PARP8: variants seen among roughly 807,000 people sequenced by gnomAD.
The protein encoded by PARP8 is protein mono-ADP-ribosyltransferase PARP8.
PARP8 carries 51 observed loss-of-function variants against 124.1 expected under a neutral mutation model. That is an observed-to-expected ratio of 0.41 (90% CI 0.33 to 0.52). PARP8 has a LOEUF of 0.52. Ranked by LOEUF, PARP8 falls within the 20% of genes least tolerant of loss-of-function variation. The probability of loss-of-function intolerance (pLI) is 0.21; values close to 1 mark genes in which losing one functional copy is unlikely to be tolerated. For missense variants in PARP8, 860 were observed against 1,018.9 expected (o/e 0.84, Z 2.12); for synonymous variants, 391 against 361.5 (o/e 1.08, Z -0.93).
At position 50,796,960 on chromosome 5, in the gene PARP8, TTTTTTACTTTGC is replaced by T; in HGVS notation, c.1429-15_1429-4del. ...TTTACATTTAAAAAAATTATCATTT[TTTTTTACTTTGC>T]TTTTTATAGCCAAATGGTGCAAAAT... On this transcript the variant is annotated splice_polypyrimidine_tract_variant and intron_variant, in intron 12 of 25. Coordinates refer to ENST00000281631, the MANE Select transcript of PARP8 (RefSeq NM_024615.4). The T allele has an allele frequency of 6.3e-7, 1 of 1,594,106 alleles. No individual in the cohort carries two copies. Among genetic ancestry groups the T allele is most frequent in the Non-Finnish European group, 8.5e-7 (1 of 1,170,726 alleles).
At chr5:50,680,454 G>A (rs1290123352) in intron 2 of PARP8, among the ~76,000 whole-genome samples, 3 of 152,052 alleles carry the variant, frequency 2.0e-5, no homozygotes, top group African/African-American at 7.2e-5. Flanking sequence ...CTGGGTGTGT[G>A]TCTGTTTACA....
At chr5:50,825,901 T>G (rs886349662) in intron 18 of PARP8, among the ~76,000 whole-genome samples, 2 of 152,184 alleles carry the variant, frequency 1.3e-5, no homozygotes, top group African/African-American at 4.8e-5. Context: ...TAGTACACAT[T>G]TAATTTAGTC....
At chr5:50,757,003 T>G in intron 3 of PARP8, 1 of 326,368 alleles carries the variant, frequency 3.1e-6, no homozygotes. Flanking sequence ...TGGCAGGATT[T>G]CATTCTTTTT....
At chr5:50,741,407 A>G (rs1758028110) in intron 2 of PARP8, among the ~76,000 whole-genome samples, 1 of 152,122 alleles carries the variant, frequency 6.6e-6, no homozygotes, top group Admixed American at 6.5e-5. Context: ...AGGTAGTGTA[A>G]AAAAACCATT....
intron 2 of PARP8, among the ~76,000 whole-genome samples, chr5:50,734,028 T>C: frequency 6.6e-6 from 1 of 152,214 alleles, no homozygotes. Context: ...TGAATTTAAG[T>C]GACATACTTT....
intron 7 of PARP8, among the ~76,000 whole-genome samples, chr5:50,770,369 A>C (rs1761481990): frequency 6.6e-6 from 1 of 152,106 alleles, no homozygotes; most frequent in Non-Finnish European, 1.5e-5. Context: ...CTCATCATTC[A>C]GTTTAGTGGC....
intron 3 of PARP8, among the ~76,000 whole-genome samples, chr5:50,757,885 T>A (rs1279033501): frequency 6.6e-6 from 1 of 152,148 alleles, no homozygotes; most frequent in African/African-American, 2.4e-5. Flanking sequence ...TTCTTCTGGA[T>A]CTTCCCTTCT....
chr5:50,702,773 T>A (rs1330019885), intron 2 of PARP8, among the ~76,000 whole-genome samples: 1 of 152,216 alleles, frequency 6.6e-6, no homozygotes, highest in Non-Finnish European at 1.5e-5. Context: ...TATCACATAG[T>A]ACTTAGTGCA....
chr5:50,667,377 C>G (rs1378442980), intron 1 of PARP8, among the ~76,000 whole-genome samples, 191 bp downstream of exon 1: 1 of 152,240 alleles, frequency 6.6e-6, no homozygotes, highest in African/African-American at 2.4e-5. Flanking sequence ...TCCCCTCCCC[C>G]ACCGCCAAGT....
intron 2 of PARP8, among the ~76,000 whole-genome samples, chr5:50,679,996 G>A (rs762940911): frequency 1.3e-5 from 2 of 152,226 alleles, no homozygotes; most frequent in South Asian, 4.1e-4. Context: ...TAGAGAAGCC[G>A]TTAGAAAAAG....
chr5:50,674,099 C>A (rs1200700570), intron 2 of PARP8, among the ~76,000 whole-genome samples: 1 of 152,150 alleles, frequency 6.6e-6, no homozygotes, highest in Non-Finnish European at 1.5e-5. Context: ...TTTTTATTAA[C>A]AAGACTTACT....
chr5:50,722,489 T>C (rs767124797), intron 2 of PARP8, among the ~76,000 whole-genome samples: 2 of 152,062 alleles, frequency 1.3e-5, no homozygotes, highest in African/African-American at 2.4e-5. Flanking sequence ...TGTATGGAGC[T>C]GAGTCCCCCA....
chr5:50,767,885 A>G (rs1561351441), intron 7 of PARP8, among the ~76,000 whole-genome samples: 1 of 152,228 alleles, frequency 6.6e-6, no homozygotes, highest in Non-Finnish European at 1.5e-5. Context: ...TCTTCACAAA[A>G]TATCTGTCTT....
intron 2 of PARP8, among the ~76,000 whole-genome samples, chr5:50,725,071 G>GTATGTGTATATATATATATATACACA (rs1414906145): frequency 5.7e-4 from 28 of 48,804 alleles, no homozygotes; most frequent in African/African-American, 2.3e-3. Context: ...CATTGTGTGT[G>GTATGTGTATATATATATATATACACA]TATGTGTATA....
At chr5:50,771,040 A>G (rs1561355840) in intron 7 of PARP8, among the ~76,000 whole-genome samples, 1 of 151,984 alleles carries the variant, frequency 6.6e-6, no homozygotes, top group East Asian at 1.9e-4. Flanking sequence ...TATGTAACCT[A>G]TAAAAATATT....
chr5:50,787,949 CA>C lies in PARP8; in HGVS notation c.671-573del, dbSNP rs529129474. 3.7e-3 allele frequency among the ~76,000 whole-genome samples: 559 copies of C among 149,098 alleles called. 2 individuals are homozygous for C. Among genetic ancestry groups the C allele is most frequent in the African/African-American group, 0.013 (518 of 40,702 alleles). On this transcript the variant is annotated intron_variant, in intron 9 of 25. Coordinates refer to ENST00000281631, the MANE Select transcript of PARP8 (RefSeq NM_024615.4). ...ACATACATACATATATATACACACA[CA>C]TATATACACATATATATATACCTGG...
intron 11 of PARP8, 127 bp from the exon 12 acceptor site, chr5:50,794,726 G>A (rs1742334432): frequency 1.2e-6 from 1 of 840,650 alleles, no homozygotes; most frequent in Admixed American, 2.8e-5. Flanking sequence ...GTTTTGACTG[G>A]GTAGGCTATA....
Position 50,798,521 on chromosome 5 carries a change from T to C in PARP8, c.1575+1288T>C, listed in dbSNP as rs1331487119. Among the ~76,000 whole-genome samples, 4 of 151,380 alleles carry C rather than the reference T, an allele frequency of 2.6e-5. No individual in the cohort carries two copies. In the East Asian group the frequency reaches 7.8e-4, roughly 29 times the overall value. ...CTGCAAGCTCCGCCTTCTGGGTTCA[T>C]GCCATTCTCCTGCCTCAGCCTCCCT... is the stretch of plus-strand genomic sequence containing the variant. On this transcript the variant is annotated intron_variant, in intron 14 of 25. Coordinates refer to ENST00000281631, the MANE Select transcript of PARP8 (RefSeq NM_024615.4).
intron 2 of PARP8, chr5:50,669,383 T>C (rs1444002640): frequency 6.6e-6 from 1 of 152,226 alleles, no homozygotes; most frequent in African/African-American, 2.4e-5. Context: ...ACTAATATCC[T>C]CTTGGATTAT....
Sources: gnomAD v4.1 joint callset for allele counts (sites outside exome capture counted in the v4.1 genomes callset) on GRCh38, gnomAD v4.1.1 for gene constraint, MANE v1.5 for transcripts, NCBI Gene and HGNC (gene_info 2026-07-23, HGNC 2026-07-21) for gene names.